COL13A1: variants seen among roughly 807,000 people sequenced by gnomAD.
COL13A1 encodes the protein collagen type XIII alpha 1 chain.
A neutral mutation model predicts 130.9 loss-of-function variants in COL13A1; 89 were observed. The ratio of observed to expected loss-of-function variants is 0.68; its 90% CI spans 0.57 to 0.81. The LOEUF (loss-of-function observed/expected upper bound fraction) is 0.81. COL13A1 is among the 30% of genes least tolerant of loss of function. The probability of loss-of-function intolerance (pLI) is 0.00; values close to 1 mark genes in which losing one functional copy is unlikely to be tolerated. For missense variants in COL13A1, 879 were observed against 934.6 expected, an observed-to-expected ratio of 0.94 and a Z score of 0.78; for synonymous variants, 402 against 341.6, an observed-to-expected ratio of 1.18 and a Z score of -1.95.
chr10:69,932,467 C>T lies in COL13A1; in HGVS notation c.1684-93C>T, dbSNP rs998041794. Reference sequence around the variant, plus strand: ...TCCTTGTTGACCCCTAGACCAGTCACGTCCCAGTCTAGTTTGTCACAGATG... The same window carrying T: ...TCCTTGTTGACCCCTAGACCAGTCATGTCCCAGTCTAGTTTGTCACAGATG... On this transcript the variant is annotated intron_variant, in intron 30 of 40. Transcript: ENST00000645393. 8.9e-5 allele frequency: 76 copies of T among 855,126 alleles called. 1 individual carries two copies. In the East Asian group the frequency reaches 1.1e-3, roughly 13 times the overall value. 53.0% of individuals were successfully genotyped at this position (855,126 alleles called of 1,614,324 possible).
intron 2 of COL13A1, among the ~76,000 whole-genome samples, chr10:69,846,545 C>T (rs1164093573): frequency 1.3e-5 from 2 of 152,168 alleles, no homozygotes; most frequent in Non-Finnish European, 2.9e-5. Context: ...CACCCTTCTG[C>T]TTTCTTCCCC....
intron 17 of COL13A1, among the ~76,000 whole-genome samples, chr10:69,916,270 G>A (rs1274741889): frequency 6.6e-6 from 1 of 152,210 alleles, no homozygotes; most frequent in East Asian, 1.9e-4. Context: ...CAGCTGGGCC[G>A]GGAGCAGGAT....
At chr10:69,808,442 G>A (rs1842138973) in intron 1 of COL13A1, among the ~76,000 whole-genome samples, 1 of 152,138 alleles carries the variant, frequency 6.6e-6, no homozygotes, top group African/African-American at 2.4e-5. Context: ...AGCATGTGTT[G>A]TTGGCTTTCC....
chr10:69,893,595 G>A (rs1448856633), intron 10 of COL13A1, among the ~76,000 whole-genome samples: 1 of 152,266 alleles, frequency 6.6e-6, no homozygotes, highest in Admixed American at 6.5e-5. Context: ...AAAGAGACTG[G>A]TGGCTCAAAG....
intron 2 of COL13A1, among the ~76,000 whole-genome samples, chr10:69,866,185 C>T (rs1257012080): frequency 6.6e-6 from 1 of 152,212 alleles, no homozygotes; most frequent in Non-Finnish European, 1.5e-5. Context: ...AGCTACCTGG[C>T]TGCATCTGGT....
At chr10:69,916,904 G>A (rs1277959203) in intron 17 of COL13A1, among the ~76,000 whole-genome samples, 1 of 152,172 alleles carries the variant, frequency 6.6e-6, no homozygotes, top group Admixed American at 6.5e-5. Flanking sequence ...GGGACCAGAG[G>A]GAAGGTGTGC....
chr10:69,827,356 T>C (rs1259558609), intron 2 of COL13A1, among the ~76,000 whole-genome samples: 1 of 152,132 alleles, frequency 6.6e-6, no homozygotes, highest in Non-Finnish European at 1.5e-5. Context: ...GCCTGATTGA[T>C]TGGGGGGCTG....
chr10:69,925,932 C>G, intron 26 of COL13A1, 60 bp downstream of exon 26: 2 of 1,414,056 alleles, frequency 1.4e-6, no homozygotes, highest in South Asian at 1.2e-5. Flanking sequence ...TGCACCATGC[C>G]CTGATCAGGG....
intron 2 of COL13A1, among the ~76,000 whole-genome samples, chr10:69,844,830 G>A (rs1280631448): frequency 2.0e-5 from 3 of 152,246 alleles, no homozygotes. Flanking sequence ...GCCCCAGACT[G>A]TCAATTATAG....
intron 13 of COL13A1, 133 bp downstream of exon 13, chr10:69,895,709 G>T: frequency 1.1e-6 from 1 of 949,804 alleles, no homozygotes. Context: ...ACTGCCCTCT[G>T]CACTCAGCAG....
chr10:69,828,243 CT>C (rs1285425277), intron 2 of COL13A1, among the ~76,000 whole-genome samples: 5 of 152,114 alleles, frequency 3.3e-5, no homozygotes, highest in Non-Finnish European at 7.4e-5. Context: ...GAGTGGTGTG[CT>C]TTCCCCTGCG....
At chr10:69,948,358 TCTATTTA>T (rs2068866567) in intron 38 of COL13A1, among the ~76,000 whole-genome samples, 1 of 152,142 alleles carries the variant, frequency 6.6e-6, no homozygotes, top group Non-Finnish European at 1.5e-5. Context: ...CAACTCAAGA[TCTATTTA>T]CTGAGCACTC....
intron 13 of COL13A1, among the ~76,000 whole-genome samples, chr10:69,895,892 T>C (rs1428718924): frequency 6.6e-6 from 1 of 152,192 alleles, no homozygotes; most frequent in Non-Finnish European, 1.5e-5. Context: ...TGGAGCTCTG[T>C]GGCTGCTCTG....
At position 69,810,376 on chromosome 10, in the gene COL13A1, G is replaced by C. The variant is rs61545591; in HGVS notation, c.294+7659G>C. Among the ~76,000 whole-genome samples, 140 of 133,838 alleles carry C rather than the reference G, an allele frequency of 1.0e-3. 6 individuals are homozygous for C. In the East Asian group the frequency reaches 0.017, roughly 16 times the overall value. The allele number at this position is 133,838 out of a possible 152,430, so 87.8% of individuals were successfully genotyped here. A position where few individuals can be genotyped will look rare whatever the true frequency, so the allele number is the denominator to read the frequency against. On this transcript the variant is annotated intron_variant, in intron 1 of 40. Coordinates refer to ENST00000645393, the MANE Select transcript of COL13A1 (RefSeq NM_001368882.1). ...AGAGAGAGAGAGAGAGAGAGAGAGA[G>C]AGAGACAGAGAGTCTGTGTGGCCCA...
At chr10:69,926,424 CCA>C in intron 26 of COL13A1, among the ~76,000 whole-genome samples, 1 of 152,186 alleles carries the variant, frequency 6.6e-6, no homozygotes, top group Non-Finnish European at 1.5e-5. Context: ...AGCAGCGTCC[CCA>C]GTCTCTACCT....
At chr10:69,889,710 C>T (rs1017068441) in intron 10 of COL13A1, among the ~76,000 whole-genome samples, 1 of 116,100 alleles carries the variant, frequency 8.6e-6, no homozygotes, top group Non-Finnish European at 2.0e-5. Context: ...GGTCGGTGTC[C>T]AGCTTACTGC....
At chr10:69,947,398 G>A (rs2068720229) in intron 38 of COL13A1, 56 bp downstream of exon 38, 2 of 1,491,020 alleles carry the variant, frequency 1.3e-6, no homozygotes, top group Admixed American at 2.0e-5. Flanking sequence ...ATGATGGGGT[G>A]GAATGATCGA....
intron 17 of COL13A1, among the ~76,000 whole-genome samples, chr10:69,906,946 G>C (rs1374777745): frequency 6.6e-6 from 1 of 152,076 alleles, no homozygotes; most frequent in Non-Finnish European, 1.5e-5. Context: ...GGCCAGGATG[G>C]TCTCGGTCTC....
chr10:69,927,411 C>T (rs923548902), intron 27 of COL13A1, among the ~76,000 whole-genome samples: 2 of 152,128 alleles, frequency 1.3e-5, no homozygotes, highest in Non-Finnish European at 2.9e-5. Flanking sequence ...TTTACAGCTG[C>T]GTGAAGGAAA....
Sources: allele counts gnomAD v4.1 joint callset (sites outside exome capture counted in the v4.1 genomes callset), GRCh38; gene constraint gnomAD v4.1.1; transcripts MANE v1.5; gene names NCBI Gene and HGNC (gene_info 2026-07-23, HGNC 2026-07-21).